The following DNAH11 variants were observed in gnomAD, a reference collection of about 807,000 sequenced individuals.
DNAH11 encodes the protein axonemal beta dynein heavy chain 11.
In DNAH11, 442 loss-of-function variants were observed where a neutral mutation model predicts 526.0. The ratio of observed to expected loss-of-function variants is 0.84; its 90% CI spans 0.78 to 0.91. DNAH11 has a LOEUF of 0.91. Among genes scored for constraint, DNAH11 ranks in the 40% least tolerant of loss-of-function variants. The pLI, the probability that DNAH11 is intolerant of heterozygous loss-of-function variation, is 0.00. For synonymous variants in DNAH11, 2,461 were observed against 1,935.9 expected, an observed-to-expected ratio of 1.27 and a Z score of -7.12; for missense variants, 6,989 against 5,448.7, an observed-to-expected ratio of 1.28 and a Z score of -8.90.
intron 25 of DNAH11, among the ~76,000 whole-genome samples, chr7:21,625,344 G>T (rs906581410): frequency 6.6e-6 from 1 of 151,982 alleles, no homozygotes; most frequent in Non-Finnish European, 1.5e-5. Flanking sequence ...TTGTATTTCT[G>T]TCGTATCAGT....
intron 61 of DNAH11, among the ~76,000 whole-genome samples, 191 bp downstream of exon 61, chr7:21,789,533 G>C (rs1788343285): frequency 6.6e-6 from 1 of 152,012 alleles, no homozygotes; most frequent in African/African-American, 2.4e-5. Flanking sequence ...TGCTGAACTG[G>C]GAAAGTGCAA....
chr7:21,838,510 GTATT>G (rs372677631), intron 65 of DNAH11, among the ~76,000 whole-genome samples: 4 of 152,178 alleles, frequency 2.6e-5, no homozygotes, highest in East Asian at 1.9e-4. Context: ...GTATCTTTCT[GTATT>G]TATTTGCCTG....
chr7:21,594,057 C>T (rs1188457130), intron 14 of DNAH11, among the ~76,000 whole-genome samples: 1 of 126,524 alleles, frequency 7.9e-6, no homozygotes, highest in Admixed American at 9.1e-5. Context: ...CTCTTTCATA[C>T]ACACATACAC....
In DNAH11 at chr7:21,820,849, A is replaced by G. The variant is rs1055965419; in HGVS notation, c.10691+2510A>G. On this transcript the variant is annotated intron_variant, in intron 65 of 81. Transcript: ENST00000409508. ...CACTTGAGAATCATGATCATAAGTC[A>G]GTGGGGAAGCTAGTAAGAACTCTTG... Among the ~76,000 whole-genome samples the G allele has an allele frequency of 3.8e-4, 58 of 152,306 alleles. 1 individual carries two copies. The highest frequency in any genetic ancestry group is 1.4e-3 in the African/African-American group (57 of 41,586).
intron 61 of DNAH11, among the ~76,000 whole-genome samples, chr7:21,790,874 G>A (rs2127989296): frequency 6.6e-6 from 1 of 152,330 alleles, no homozygotes; most frequent in African/African-American, 2.4e-5. Context: ...TCACACTACA[G>A]AATTTAAATT....
intron 68 of DNAH11, among the ~76,000 whole-genome samples, chr7:21,858,021 A>G (rs1393318146): frequency 6.6e-6 from 1 of 152,198 alleles, no homozygotes; most frequent in East Asian, 1.9e-4. Context: ...CTCAATACAT[A>G]TATATAAAAC....
chr7:21,707,112 C>A (rs1004643130), intron 39 of DNAH11, among the ~76,000 whole-genome samples: 1 of 152,158 alleles, frequency 6.6e-6, no homozygotes, highest in African/African-American at 2.4e-5. Flanking sequence ...GCTCCTTCCC[C>A]CTTCTTCCCC....
rs1421185958 is a variant in DNAH11, at chr7:21,818,245, G to A, written c.10597G>A (p.Ala3533Thr). The A allele has an allele frequency of 6.2e-7, 1 of 1,611,830 alleles. No individual in the cohort carries two copies. The highest frequency in any genetic ancestry group is 8.5e-7 in the Non-Finnish European group (1 of 1,178,898). Residue 3533 changes from alanine to threonine, a missense_variant, in exon 65 of 82, where the codon GCC (alanine) becomes ACC (threonine). Physicochemically the swap from Ala to Thr is moderately conservative, Grantham distance 58. Coordinates refer to ENST00000409508, the MANE Select transcript of DNAH11 (RefSeq NM_001277115.2). The stretch of plus-strand genomic sequence containing the variant: ...TTTGAATGCCATTGAAACTGCTTTG[G>A]CCTTTGGTGATGTCATCTTAATTGA... ...GFLNAIETAL[A>T]FGDVILIENL...
At chr7:21,731,367 T>C (rs981970537) in intron 45 of DNAH11, among the ~76,000 whole-genome samples, 9 of 152,050 alleles carry the variant, frequency 5.9e-5, no homozygotes, top group African/African-American at 2.2e-4. Context: ...CATAGAAAGA[T>C]GATCATGGCC....
intron 30 of DNAH11, among the ~76,000 whole-genome samples, chr7:21,677,503 T>C (rs2128471197): frequency 6.6e-6 from 1 of 152,314 alleles, no homozygotes; most frequent in Admixed American, 6.5e-5. Flanking sequence ...TGCCTCAGCC[T>C]CCCGTGTAGC....
chr7:21,589,105 G>A (rs1784582305), intron 11 of DNAH11, 103 bp from the exon 12 acceptor site: 1 of 876,450 alleles, frequency 1.1e-6, no homozygotes, highest in Non-Finnish European at 1.6e-6. Flanking sequence ...CTTCCTGGTT[G>A]TTTATAGTGT....
chr7:21,570,446 A>G (rs1783840992), intron 7 of DNAH11, 147 bp downstream of exon 7: 2 of 594,604 alleles, frequency 3.4e-6, no homozygotes, highest in Non-Finnish European at 5.6e-6. Flanking sequence ...CAGCAGGCCA[A>G]TGCTATGATG....
intron 45 of DNAH11, among the ~76,000 whole-genome samples, chr7:21,733,631 GAGGAGTTTGT>G (rs1307558502): frequency 1.3e-5 from 2 of 152,150 alleles, no homozygotes; most frequent in African/African-American, 4.8e-5. Context: ...GAGAACCTAT[GAGGAGTTTGT>G]ACTCTTTCTT....
At chr7:21,562,175 C>A (rs1783486895) in intron 5 of DNAH11, among the ~76,000 whole-genome samples, 1 of 152,148 alleles carries the variant, frequency 6.6e-6, no homozygotes, top group African/African-American at 2.4e-5. Context: ...TTTAGTATTT[C>A]TTAATCTTGT....
rs970569904 is a variant in DNAH11, at chr7:21,641,821, C to T, written c.4944+2756C>T. Among the ~76,000 whole-genome samples, 9 of 152,278 alleles carry T rather than the reference C, an allele frequency of 5.9e-5. No homozygotes were observed. In the South Asian group the frequency reaches 6.2e-4, roughly 11 times the overall value. On this transcript the variant is annotated intron_variant, in intron 28 of 81. Transcript: ENST00000409508. ...CCCCATTCATAGCATTTTAACTACGCGTTCTAAATCCCTGAATTCCAGGTA... is the reference window on the plus strand; with the variant it reads ...CCCCATTCATAGCATTTTAACTACGTGTTCTAAATCCCTGAATTCCAGGTA...
chr7:21,728,686 G>A (rs995496487), intron 45 of DNAH11, among the ~76,000 whole-genome samples: 2 of 152,120 alleles, frequency 1.3e-5, no homozygotes, highest in Admixed American at 6.5e-5. Flanking sequence ...AATTCATCCT[G>A]AGGCAAAATT....
At chr7:21,629,680 C>G (rs747186183) in intron 25 of DNAH11, among the ~76,000 whole-genome samples, 18 of 152,040 alleles carry the variant, frequency 1.2e-4, no homozygotes, top group Non-Finnish European at 2.1e-4. Flanking sequence ...TAGTTATCTT[C>G]TTTACCTCTT....
At chr7:21,771,843 G>A (rs1018458020) in intron 55 of DNAH11, among the ~76,000 whole-genome samples, 4 of 134,016 alleles carry the variant, frequency 3.0e-5, no homozygotes, top group Non-Finnish European at 7.0e-5. Flanking sequence ...CTCCCCCAAC[G>A]CCCCCCACAA....
At chr7:21,701,944 T>C (rs1050941941) in intron 36 of DNAH11, among the ~76,000 whole-genome samples, 2 of 151,812 alleles carry the variant, frequency 1.3e-5, no homozygotes, top group Non-Finnish European at 2.9e-5. Context: ...AGAGGGCCAG[T>C]CCCGTGTAAG....
Sources: gnomAD v4.1 joint callset for allele counts (sites outside exome capture counted in the v4.1 genomes callset) on GRCh38, gnomAD v4.1.1 for gene constraint, MANE v1.5 for transcripts, NCBI Gene and HGNC (gene_info 2026-07-23, HGNC 2026-07-21) for gene names.